The following SH3KBP1 variants were observed in gnomAD, a reference collection of about 807,000 sequenced individuals.
SH3KBP1 encodes the protein SH3 domain-containing kinase-binding protein 1.
A neutral mutation model predicts 50.1 loss-of-function variants in SH3KBP1; 8 were observed. The ratio of observed to expected loss-of-function variants is 0.16; its 90% confidence interval spans 0.09 to 0.29. The LOEUF (loss-of-function observed/expected upper bound fraction) is 0.29. Among genes scored for constraint, SH3KBP1 ranks in the 10% least tolerant of loss-of-function variants. The pLI is 1.00. For missense variants in SH3KBP1, 377 were observed against 535.2 expected (o/e 0.70, Z 2.92); for synonymous variants, 227 against 218.6 (o/e 1.04, Z -0.34).
At chrX:19,735,744 G>C (rs1224032948) in intron 3 of SH3KBP1, among the ~76,000 whole-genome samples, 2 of 72,649 alleles carry the variant, frequency 2.8e-5, no homozygotes, top group African/African-American at 5.1e-5. Context: ...GGGTGGGGGG[G>C]ACGGATTCTT....
intron 5 of SH3KBP1, among the ~76,000 whole-genome samples, chrX:19,687,373 A>G (rs2063189909): frequency 8.9e-6 from 1 of 112,549 alleles, no homozygotes; most frequent in African/African-American, 3.2e-5. Context: ...TCATGCACGC[A>G]TATCACATAC....
chrX:19,887,260 C>T, intron 1 of SH3KBP1, 47 bp downstream of exon 1: 1 of 967,249 alleles, frequency 1.0e-6, no homozygotes, highest in South Asian at 3.7e-5. Flanking sequence ...TGGCGCGCCG[C>T]CCTCAAGGCT....
intron 2 of SH3KBP1, among the ~76,000 whole-genome samples, chrX:19,804,571 A>C (rs1328962968): frequency 9.0e-6 from 1 of 110,994 alleles, no homozygotes; most frequent in Non-Finnish European, 1.9e-5. Context: ...AAGTTTTCAA[A>C]GCTGTCATTA....
At chrX:19,740,188 A>T (rs1452504042) in intron 3 of SH3KBP1, among the ~76,000 whole-genome samples, 1 of 111,552 alleles carries the variant, frequency 9.0e-6, no homozygotes, top group African/African-American at 3.3e-5. Context: ...ACACTCCAAC[A>T]TCAATTGCTG....
chrX:19,657,703 G>C (rs1245207073), intron 6 of SH3KBP1, among the ~76,000 whole-genome samples: 1 of 109,014 alleles, frequency 9.2e-6, no homozygotes, highest in Non-Finnish European at 1.9e-5. Context: ...ACTCCAGCCT[G>C]GCAACAGAGC....
intron 2 of SH3KBP1, among the ~76,000 whole-genome samples, chrX:19,821,402 C>T (rs960208112): frequency 8.9e-6 from 1 of 111,830 alleles, no homozygotes; most frequent in Non-Finnish European, 1.9e-5. Flanking sequence ...ACAACAACAA[C>T]AGAAAAAAAT....
At chrX:19,782,995 C>T (rs1326989601) in intron 2 of SH3KBP1, among the ~76,000 whole-genome samples, 1 of 111,767 alleles carries the variant, frequency 8.9e-6, no homozygotes, top group African/African-American at 3.3e-5. Context: ...CGTGCACAGG[C>T]ACTGTGCAGC....
intron 2 of SH3KBP1, among the ~76,000 whole-genome samples, chrX:19,835,130 A>G (rs962149378): frequency 1.8e-5 from 2 of 111,154 alleles, no homozygotes; most frequent in African/African-American, 6.5e-5. Flanking sequence ...AAAGCATTCC[A>G]TAATTTGGAT....
chrX:19,771,654 A>G (rs1042666663), intron 2 of SH3KBP1, among the ~76,000 whole-genome samples: 4 of 111,255 alleles, frequency 3.6e-5, no homozygotes, highest in Non-Finnish European at 7.5e-5. Flanking sequence ...GCCTGAGGCC[A>G]GGAGTTCAAG....
intron 12 of SH3KBP1, among the ~76,000 whole-genome samples, chrX:19,570,638 A>G (rs1033005326): frequency 5.4e-5 from 6 of 111,740 alleles, no homozygotes; most frequent in African/African-American, 2.0e-4. Context: ...CTGACAGGAC[A>G]GACTGCTGCG....
At chrX:19,633,001 T>A (rs767422926) in intron 7 of SH3KBP1, among the ~76,000 whole-genome samples, 88 of 112,390 alleles carry the variant, frequency 7.8e-4, no homozygotes, top group Non-Finnish European at 1.4e-3. Context: ...AGAGGTAACC[T>A]CTTGATGACA....
At chrX:19,624,744 T>C (rs997066874) in intron 8 of SH3KBP1, among the ~76,000 whole-genome samples, 4 of 112,335 alleles carry the variant, frequency 3.6e-5, no homozygotes, top group African/African-American at 6.5e-5. Flanking sequence ...GGAGGAGATA[T>C]ATTGTGACTT....
At chrX:19,640,488 CTTTT>C (rs752769114) in intron 7 of SH3KBP1, among the ~76,000 whole-genome samples, 1 of 100,771 alleles carries the variant, frequency 9.9e-6, no homozygotes, top group South Asian at 4.4e-4. Context: ...TCTGCAACGA[CTTTT>C]TTTTTTTTTT....
chrX:19,732,775 AC>A (rs1426138617), intron 3 of SH3KBP1, among the ~76,000 whole-genome samples: 1 of 112,066 alleles, frequency 8.9e-6, no homozygotes, highest in Non-Finnish European at 1.9e-5. Flanking sequence ...TAAAAGAGGA[AC>A]TTTTTTTAAT....
chrX:19,876,974 C>T (rs1054484610), intron 1 of SH3KBP1, among the ~76,000 whole-genome samples: 2 of 111,195 alleles, frequency 1.8e-5, no homozygotes, highest in African/African-American at 3.3e-5. Flanking sequence ...ATCCACCCTC[C>T]GCAAGCCAAT....
chrX:19,775,061 A>C (rs759590874), intron 2 of SH3KBP1, among the ~76,000 whole-genome samples: 17 of 111,444 alleles, frequency 1.5e-4, no homozygotes, highest in Non-Finnish European at 3.2e-4. Context: ...CACAGATCAC[A>C]GTCTCTGGAA....
chrX:19,802,068 G>A (rs1433715983), intron 2 of SH3KBP1, among the ~76,000 whole-genome samples: 1 of 108,744 alleles, frequency 9.2e-6, no homozygotes, highest in African/African-American at 3.4e-5. Context: ...ACAGAGCAAG[G>A]CTCTGTCTCG....
At chrX:19,882,617 G>GACAC (rs2069470998) in intron 1 of SH3KBP1, among the ~76,000 whole-genome samples, 3 of 112,131 alleles carry the variant, frequency 2.7e-5, no homozygotes, top group Non-Finnish European at 5.6e-5. Flanking sequence ...CCCAGTGACG[G>GACAC]ATGATAAACA....
At chrX:19,541,752 G>C (rs1346990726) in intron 16 of SH3KBP1, among the ~76,000 whole-genome samples, 173 bp downstream of exon 16, 1 of 111,453 alleles carries the variant, frequency 9.0e-6, no homozygotes, top group Non-Finnish European at 1.9e-5. Context: ...GCATAATTTA[G>C]GTATAAATTA....
Sources: gnomAD v4.1 joint callset for allele counts (sites outside exome capture counted in the v4.1 genomes callset) on GRCh38, gnomAD v4.1.1 for gene constraint, MANE v1.5 for transcripts, NCBI Gene and HGNC (gene_info 2026-07-23, HGNC 2026-07-21) for gene names.